EVI5: variants seen among roughly 807,000 people sequenced by gnomAD.
EVI5 encodes the protein ecotropic viral integration site 5, also known as ecotropic viral integration site 5 protein homolog.
Under a neutral mutation model 112.0 loss-of-function variants are expected in EVI5, and 73 were observed. The ratio of observed to expected loss-of-function variants is 0.65; its 90% confidence interval spans 0.54 to 0.79. The LOEUF (loss-of-function observed/expected upper bound fraction) is 0.79, where lower values mean the gene tolerates loss of function less well. EVI5 is among the 30% of genes least tolerant of loss of function. The pLI is 0.00. For synonymous variants in EVI5, 305 were observed against 319.9 expected (o/e 0.95, Z 0.50); for missense variants, 900 against 968.8 (o/e 0.93, Z 0.94).
intron 2 of EVI5, among the ~76,000 whole-genome samples, chr1:92,723,643 T>C (rs1675095699): frequency 6.6e-6 from 1 of 152,166 alleles, no homozygotes; most frequent in South Asian, 2.1e-4. Context: ...TTGTAAAATA[T>C]GTGTGTTTGA....
intron 10 of EVI5, among the ~76,000 whole-genome samples, chr1:92,667,719 G>A (rs956421476): frequency 1.4e-4 from 22 of 152,120 alleles, no homozygotes; most frequent in African/African-American, 5.1e-4. Context: ...AGGTTCAAGC[G>A]ATTCTCCTGA....
At chr1:92,714,825 A>G (rs11164799) in intron 2 of EVI5, among the ~76,000 whole-genome samples, 141,006 of 152,088 alleles carry the variant, frequency 0.93, 65,472 homozygotes, top group East Asian at 0.97. Flanking sequence ...TCTTGGCCTC[A>G]TGCAATTCTC....
chr1:92,688,724 C>A (rs1461780896), intron 9 of EVI5, among the ~76,000 whole-genome samples: 3 of 152,148 alleles, frequency 2.0e-5, no homozygotes, highest in Non-Finnish European at 4.4e-5. Flanking sequence ...TTTCCTGACA[C>A]CCAGCAGTCT....
At chr1:92,604,871 C>CT (rs545877457) in intron 18 of EVI5, among the ~76,000 whole-genome samples, 155 of 152,246 alleles carry the variant, frequency 1.0e-3, no homozygotes, top group Non-Finnish European at 1.4e-3. Context: ...ACCATATATG[C>CT]TGTCCGTCAC....
In EVI5 at chr1:92,660,517, A is replaced by G. The variant is rs1036376378; in HGVS notation, c.1392+2202T>C. The stretch of plus-strand genomic sequence containing the variant: ...AAATTCTGGTGTTACATTGCACAGT[A>G]GAGTGACTATAGTTAACAATAACGT... On this transcript the variant is annotated intron_variant, in intron 13 of 19. Transcript: ENST00000684568. Among the ~76,000 whole-genome samples the G allele has an allele frequency of 3.9e-5, 6 of 152,070 alleles. No homozygotes were observed. In the South Asian group the frequency reaches 1.2e-3, roughly 31 times the overall value.
At chr1:92,695,285 GCT>G in intron 7 of EVI5, 23 bp downstream of exon 7, 1 of 1,588,388 alleles carries the variant, frequency 6.3e-7, no homozygotes, top group Non-Finnish European at 8.6e-7. Flanking sequence ...CTCAGCTCCT[GCT>G]CTTTGTCTGC....
In EVI5 at chr1:92,511,895, T is replaced by G. The variant is rs1659212081; in HGVS notation, c.*1761A>C. 1 of 152,074 alleles carries G rather than the reference T, an allele frequency of 6.6e-6. No individual in the cohort carries two copies. Among genetic ancestry groups the G allele is most frequent in the Non-Finnish European group, 1.5e-5 (1 of 68,022 alleles). 9.4% of individuals were successfully genotyped at this position (152,074 alleles called of 1,614,324 possible). ...TTGACAGAAAACTACTTTTATCTCT[T>G]CTACTCTATTTCATATTTTTTTTTT... On this transcript the variant is annotated 3_prime_UTR_variant, in exon 20 of 20. Transcript: ENST00000684568.
At chr1:92,687,056 A>G (rs1298791856) in intron 9 of EVI5, among the ~76,000 whole-genome samples, 1 of 152,308 alleles carries the variant, frequency 6.6e-6, no homozygotes, top group East Asian at 1.9e-4. Flanking sequence ...GTTCATATGG[A>G]ACCAAAAAAG....
At chr1:92,543,212 T>C (rs1394523250) in intron 19 of EVI5, among the ~76,000 whole-genome samples, 1 of 152,208 alleles carries the variant, frequency 6.6e-6, no homozygotes, top group East Asian at 1.9e-4. Context: ...TCATCAACGA[T>C]CTTAGCTAGA....
At position 92,680,859 on chromosome 1, in the gene EVI5, A is replaced by G. The variant is rs1303608387; in HGVS notation, c.1098-3641T>C. Among the ~76,000 whole-genome samples, 3 of 152,308 alleles carry G rather than the reference A, an allele frequency of 2.0e-5. No homozygotes were observed. The East Asian group carries it at 5.8e-4, about 29-fold the overall frequency. ...CTCAGACTTTGAGATTTTCTACAAA[A>G]TAATTGGCCTGTACACTCTTTAAAT... On this transcript the variant is annotated intron_variant, in intron 9 of 19. Transcript: ENST00000684568.
intron 1 of EVI5, among the ~76,000 whole-genome samples, chr1:92,769,818 C>G (rs1214012527): frequency 6.6e-6 from 1 of 152,052 alleles, no homozygotes; most frequent in Non-Finnish European, 1.5e-5. Flanking sequence ...ACCCGAGAGG[C>G]AGAGCCTGCA....
At chr1:92,552,272 A>C (rs1431767165) in intron 19 of EVI5, among the ~76,000 whole-genome samples, 1 of 152,204 alleles carries the variant, frequency 6.6e-6, no homozygotes. Context: ...AAGAAATATA[A>C]GGCTGAATAA....
At position 92,678,090 on chromosome 1, in the gene EVI5, A is replaced by G. The variant is rs1031464548; in HGVS notation, c.1098-872T>C. Among the ~76,000 whole-genome samples the G allele has an allele frequency of 8.5e-5, 13 of 152,270 alleles. 1 individual carries two copies. The highest frequency in any genetic ancestry group is 6.5e-4 in the Admixed American group (10 of 15,298). On this transcript the variant is annotated intron_variant, in intron 9 of 19. Transcript: ENST00000684568. ...GGAGGGGGACAAGGGCTGAAAAACT[A>G]ACCGTTGGGTACTATGCTTGCTATC... is the stretch of plus-strand genomic sequence containing the variant.
chr1:92,533,322 G>C (rs1441519517), intron 19 of EVI5, among the ~76,000 whole-genome samples: 1 of 152,110 alleles, frequency 6.6e-6, no homozygotes. Flanking sequence ...AAAAGTCCAG[G>C]ACCAGACAGA....
At chr1:92,622,110 G>C (rs963612059) in intron 16 of EVI5, among the ~76,000 whole-genome samples, 2 of 142,612 alleles carry the variant, frequency 1.4e-5, no homozygotes, top group South Asian at 2.4e-4. Context: ...ACAAAGCAAG[G>C]CTCCGTCTAA....
chr1:92,613,851 A>G (rs1347862765), intron 16 of EVI5, among the ~76,000 whole-genome samples: 1 of 152,170 alleles, frequency 6.6e-6, no homozygotes, highest in Non-Finnish European at 1.5e-5. Context: ...TGGGCCTCCC[A>G]AAGTGTTGGG....
chr1:92,710,348 G>GA (rs541874754), intron 2 of EVI5, among the ~76,000 whole-genome samples: 2 of 151,046 alleles, frequency 1.3e-5, no homozygotes, highest in East Asian at 3.9e-4. Context: ...ATCCTGTCTC[G>GA]AAAAAAAAGC....
At chr1:92,731,373 G>C (rs141697830) in intron 2 of EVI5, among the ~76,000 whole-genome samples, 10 of 152,260 alleles carry the variant, frequency 6.6e-5, no homozygotes, top group East Asian at 5.8e-4. Context: ...AGAAGGTGTT[G>C]ACAATTGTAG....
chr1:92,545,631 A>T (rs1386140803), intron 19 of EVI5, among the ~76,000 whole-genome samples: 1 of 152,200 alleles, frequency 6.6e-6, no homozygotes, highest in Non-Finnish European at 1.5e-5. Flanking sequence ...GATTTTTAAA[A>T]ACACAATCAA....
Sources: allele counts gnomAD v4.1 joint callset (sites outside exome capture counted in the v4.1 genomes callset), GRCh38; gene constraint gnomAD v4.1.1; transcripts MANE v1.5; gene names NCBI Gene and HGNC (gene_info 2026-07-23, HGNC 2026-07-21).